GNA12: variants seen among roughly 807,000 people sequenced by gnomAD.
The protein encoded by GNA12 is guanine nucleotide-binding protein subunit alpha-12.
Under a neutral mutation model 26.0 loss-of-function variants are expected in GNA12, and 9 were observed. The observed-to-expected ratio is 0.35, with a 90% CI of 0.21 to 0.60. GNA12 has a LOEUF of 0.60. GNA12 is among the 20% of genes least tolerant of loss of function. The pLI is 0.78. For missense variants in GNA12, 405 were observed against 525.8 expected (o/e 0.77, Z 2.25); for synonymous variants, 264 against 219.6 (o/e 1.20, Z -1.79).
intron 1 of GNA12, among the ~76,000 whole-genome samples, chr7:2,827,852 G>A (rs948851504): frequency 6.6e-6 from 1 of 152,160 alleles, no homozygotes; most frequent in Admixed American, 6.5e-5. Flanking sequence ...ATTCAAGATT[G>A]AAGTCTTTTA....
chr7:2,740,658 C>G (rs1240822730), intron 2 of GNA12, among the ~76,000 whole-genome samples: 1 of 152,188 alleles, frequency 6.6e-6, no homozygotes. Context: ...CATGTTAATA[C>G]TGGGCAATGG....
intron 1 of GNA12, among the ~76,000 whole-genome samples, chr7:2,839,395 T>C (rs990555097): frequency 4.6e-5 from 7 of 152,116 alleles, no homozygotes; most frequent in Admixed American, 4.6e-4. Context: ...CTAATTTGTT[T>C]GTTTTTGAAA....
intron 1 of GNA12, among the ~76,000 whole-genome samples, chr7:2,808,961 C>T (rs1793014100): frequency 6.6e-6 from 1 of 152,204 alleles, no homozygotes; most frequent in Admixed American, 6.5e-5. Context: ...AACCCTTTGC[C>T]CCGGATAGCC....
Position 2,737,209 on chromosome 7 carries a change from G to A in GNA12, c.526-3708C>T, listed in dbSNP as rs991769644. The stretch of plus-strand genomic sequence containing the variant: ...AACAAACACCAACTTCCAGCTCCTG[G>A]CCAGAGGGCCTTTTAATTTTAAACC... On this transcript the variant is annotated intron_variant, in intron 2 of 3. Coordinates refer to ENST00000275364, the MANE Select transcript of GNA12 (RefSeq NM_007353.3). Among the ~76,000 whole-genome samples the A allele has an allele frequency of 4.0e-5, 6 of 149,680 alleles. No homozygotes were observed. The East Asian group carries it at 7.9e-4, about 20-fold the overall frequency.
At chr7:2,814,861 C>A in intron 1 of GNA12, 1 of 1,600,598 alleles carries the variant, frequency 6.2e-7, no homozygotes, top group East Asian at 2.3e-5. Context: ...TGCTCCCCTC[C>A]ACAGCACTCA....
At chr7:2,807,964 T>C (rs1049582630) in intron 1 of GNA12, among the ~76,000 whole-genome samples, 3 of 152,190 alleles carry the variant, frequency 2.0e-5, no homozygotes, top group Non-Finnish European at 4.4e-5. Flanking sequence ...CGATGAATTA[T>C]TAGGTGAAAG....
intron 1 of GNA12, among the ~76,000 whole-genome samples, chr7:2,820,954 T>A (rs888648826): frequency 6.6e-6 from 1 of 152,244 alleles, no homozygotes; most frequent in Non-Finnish European, 1.5e-5. Flanking sequence ...TTGCTCAGGC[T>A]GGTCTTGAAC....
intron 2 of GNA12, among the ~76,000 whole-genome samples, chr7:2,741,576 G>A (rs904770762): frequency 1.3e-5 from 2 of 152,152 alleles, no homozygotes; most frequent in Admixed American, 6.5e-5. Context: ...TTGGGGCTAG[G>A]ACAGAGGTAT....
intron 1 of GNA12, among the ~76,000 whole-genome samples, chr7:2,808,333 GC>G (rs1462816934): frequency 6.6e-6 from 1 of 152,218 alleles, no homozygotes; most frequent in East Asian, 1.9e-4. Flanking sequence ...CCCAGGCCCT[GC>G]TACCATGCTG....
chr7:2,772,875 C>T (rs892034539), intron 2 of GNA12, among the ~76,000 whole-genome samples: 1 of 152,130 alleles, frequency 6.6e-6, no homozygotes, highest in Non-Finnish European at 1.5e-5. Context: ...TAGCCAAAAA[C>T]GAGAAACAAA....
In GNA12 at chr7:2,748,570, T is replaced by C. The variant is rs1228131783; in HGVS notation, c.526-15069A>G. Reference sequence around the variant, plus strand: ...ACCATAAAAACCCTAGAAGAAAACCTAGGCAATACCATTCAGGACATAGGC... The same window carrying C: ...ACCATAAAAACCCTAGAAGAAAACCCAGGCAATACCATTCAGGACATAGGC... On this transcript the variant is annotated intron_variant, in intron 2 of 3. Transcript: ENST00000275364. 9.5e-3 allele frequency among the ~76,000 whole-genome samples: 1,441 copies of C among 152,112 alleles called. 16 individuals carry two copies. Among genetic ancestry groups the C allele is most frequent in the African/African-American group, 0.033 (1,349 of 41,492 alleles).
chr7:2,738,436 A>T (rs1330988140), intron 2 of GNA12, among the ~76,000 whole-genome samples: 1 of 152,216 alleles, frequency 6.6e-6, no homozygotes, highest in African/African-American at 2.4e-5. Flanking sequence ...GCGAAGGAGA[A>T]GAGCTCCGTG....
In GNA12 at chr7:2,744,659, G is replaced by C. The variant is rs558725622; in HGVS notation, c.526-11158C>G. On this transcript the variant is annotated intron_variant, in intron 2 of 3. Coordinates refer to ENST00000275364, the MANE Select transcript of GNA12 (RefSeq NM_007353.3). The stretch of plus-strand genomic sequence containing the variant: ...AGCTCCTCACCAGCAACGGAACAAA[G>C]CTGGATGGACAATGACTTTGACGAG... Among the ~76,000 whole-genome samples the C allele has an allele frequency of 8.5e-5, 13 of 152,332 alleles. No individual in the cohort carries two copies. In the East Asian group the frequency reaches 2.5e-3, roughly 29 times the overall value.
At chr7:2,819,977 T>A (rs1793313625) in intron 1 of GNA12, among the ~76,000 whole-genome samples, 1 of 152,282 alleles carries the variant, frequency 6.6e-6, no homozygotes, top group African/African-American at 2.4e-5. Context: ...AGAACCTAGA[T>A]GCCACTGACT....
chr7:2,790,876 A>C (rs995759491), intron 2 of GNA12, among the ~76,000 whole-genome samples: 5 of 151,390 alleles, frequency 3.3e-5, no homozygotes, highest in African/African-American at 1.2e-4. Flanking sequence ...CAGTAGGCTG[A>C]GGTGGGTGGT....
chr7:2,822,352 G>C (rs1355552988), intron 1 of GNA12, among the ~76,000 whole-genome samples: 1 of 152,170 alleles, frequency 6.6e-6, no homozygotes, highest in African/African-American at 2.4e-5. Flanking sequence ...CAGTAACTAA[G>C]AGTGGTAGTT....
intron 1 of GNA12, among the ~76,000 whole-genome samples, chr7:2,797,325 G>A (rs115720111): frequency 0.013 from 1,912 of 152,100 alleles, 43 homozygotes; most frequent in African/African-American, 0.043. Flanking sequence ...TAAGATTTTC[G>A]TAGAGTCAGG....
chr7:2,731,274 G>C lies in GNA12; in HGVS notation c.1053C>G (p.Thr351=). The C allele has an allele frequency of 6.2e-7, 1 of 1,613,424 alleles. No homozygotes were observed. The highest frequency in any genetic ancestry group is 1.1e-5 in the South Asian group (1 of 90,968). The part of the protein sequence containing the change: ...NRSKPLFHHF[T]TAIDTENVRF... ...GGACGTTCTCGGTGTCGATGGCGGT[G>C]GTGAAGTGGTGGAAGAGTGGCTTGC... is the stretch of plus-strand genomic sequence containing the variant. Residue 351 remains threonine, a synonymous_variant, in exon 4 of 4, where the codon ACC becomes ACG. Coordinates refer to ENST00000275364, the MANE Select transcript of GNA12 (RefSeq NM_007353.3). This position sits in a 1 kb window ranked among gnomAD's most constrained non-coding sequence, Gnocchi z 6.0.
chr7:2,776,005 T>G (rs1229444302), intron 2 of GNA12, among the ~76,000 whole-genome samples: 3 of 152,252 alleles, frequency 2.0e-5, no homozygotes, highest in African/African-American at 7.2e-5. Context: ...GGGAAGGCCC[T>G]GGACACAGCT....
Sources: allele counts gnomAD v4.1 joint callset (sites outside exome capture counted in the v4.1 genomes callset), GRCh38; gene constraint gnomAD v4.1.1; non-coding constraint Gnocchi (gnomAD v3.1); transcripts MANE v1.5; gene names NCBI Gene and HGNC (gene_info 2026-07-23, HGNC 2026-07-21).